EPPK1: variants seen among roughly 807,000 people sequenced by gnomAD.
EPPK1 encodes the protein epiplakin 1.
For missense variants in EPPK1, 3,823 were observed against 3,673.3 expected, an observed-to-expected ratio of 1.04 and a Z score of -1.05; for synonymous variants, 1,862 against 1,721.2, an observed-to-expected ratio of 1.08 and a Z score of -2.03.
chr8:143,867,238 G>A lies in EPPK1; in HGVS notation c.6016C>T (p.Leu2006=). The A allele has an allele frequency of 6.2e-7, 1 of 1,612,714 alleles. No homozygotes were observed. Among genetic ancestry groups the A allele is most frequent in the Non-Finnish European group, 8.5e-7 (1 of 1,179,796 alleles). ...QLIEKAEALR[L]LEVQVATGGV... ...CCCGTGGCCACCTGCACCTCCAGCAGCCTCAGTGCCTCCGCCTTCTCGATG... is the reference window on the plus strand; with the variant it reads ...CCCGTGGCCACCTGCACCTCCAGCAACCTCAGTGCCTCCGCCTTCTCGATG... The change falls in exon 2 of 2, where the codon CTG becomes TTG. Residue 2006 remains leucine (L), a synonymous_variant. Coordinates refer to ENST00000615648, the MANE Select transcript of EPPK1 (RefSeq NM_031308.4).
At chr8:143,873,388 C>G in intron 1 of EPPK1, 90 bp from the exon 2 acceptor site, 1 of 946,388 alleles carries the variant, frequency 1.1e-6, no homozygotes, top group Non-Finnish European at 1.5e-6. Context: ...CCATGCTGTC[C>G]CGGGCTGGGC....
chr8:143,874,756 C>G (rs966758131), intron 1 of EPPK1, among the ~76,000 whole-genome samples: 16 of 152,168 alleles, frequency 1.1e-4, no homozygotes, highest in Non-Finnish European at 2.2e-4. Flanking sequence ...CCCAGTCCCT[C>G]TCTTGATTCT....
Position 143,866,682 on chromosome 8 carries a change from A to G in EPPK1, c.6572T>C (p.Ile2191Thr). Residue 2191 changes from isoleucine (I) to threonine (T), a missense_variant, in exon 2 of 2, where the codon ATA (isoleucine) becomes ACA (threonine). Transcript: ENST00000615648. ...GTCCTGGAGCATTTCCTCCGTGATT[A>G]TGGCTGAGCTGAGGAGTTCAGAAGC... ...ITASELLSSA[I>T]ITEEMLQDLE... is the part of the protein sequence containing the mutation. 20 of 1,613,200 alleles carry G rather than the reference A, an allele frequency of 1.2e-5. No homozygotes were observed. The highest frequency in any genetic ancestry group is 1.7e-5 in the Non-Finnish European group (20 of 1,179,858).
In EPPK1 at chr8:143,872,542, T is replaced by C. The variant is rs781823786; in HGVS notation, c.712A>G (p.Met238Val). ...TCAGCTGCACTCACCGCCCCGCCCA[T>C]GGAGCGGAAGGTGATCTTGAGGGGC... ...LLPLKITFRS[M>V]GGAVSAAELL... is the part of the protein sequence containing the mutation. The change falls in exon 2 of 2, where the codon ATG (methionine) becomes GTG (valine). Residue 238 changes from methionine to valine, a missense_variant. By Grantham distance (21) the Met-to-Val change is conservative. Transcript: ENST00000615648. The C allele has an allele frequency of 2.8e-4, 447 of 1,604,578 alleles. 6 individuals are homozygous for C. In the East Asian group the frequency reaches 9.8e-3, roughly 35 times the overall value.
rs1818919306 is a variant in EPPK1, at chr8:143,857,718, T to C, written c.*269A>G. The C allele has an allele frequency of 4.9e-6, 2 of 405,480 alleles. No homozygotes were observed. 25.1% of individuals were successfully genotyped at this position (405,480 alleles called of 1,614,324 possible). On this transcript the variant is annotated 3_prime_UTR_variant, in exon 2 of 2. Transcript: ENST00000615648. ...AGTGAATCCAAAACAGACAGAAAAATGTTCTGAAAACGAAAAAGGAGAGAA... is the reference window on the plus strand; with the variant it reads ...AGTGAATCCAAAACAGACAGAAAAACGTTCTGAAAACGAAAAAGGAGAGAA...
In EPPK1 at chr8:143,866,986, G is replaced by A. The variant is rs782111553; in HGVS notation, c.6268C>T (p.Arg2090Trp). The A allele has an allele frequency of 1.3e-5, 21 of 1,612,576 alleles. No individual in the cohort carries two copies. The highest frequency in any genetic ancestry group is 4.4e-5 in the South Asian group (4 of 91,072). The stretch of plus-strand genomic sequence containing the variant: ...TCGTCATCGATGTGCTCGGAGTCCC[G>A]TGCAGCCTTGTTCACTGGGAACAGC... ...WLLFPVNKAARDSEHIDDETR... is the reference protein window; with the variant it reads ...WLLFPVNKAAWDSEHIDDETR... Residue 2090 changes from arginine (R) to tryptophan (W), a missense_variant, in exon 2 of 2, where the codon CGG becomes TGG. Physicochemically the swap from Arg to Trp is moderately radical, Grantham distance 101. Coordinates refer to ENST00000615648, the MANE Select transcript of EPPK1 (RefSeq NM_031308.4).
chr8:143,868,084 C>T lies in EPPK1; in HGVS notation c.5170G>A (p.Asp1724Asn), dbSNP rs377176052. ...TTGGGGTCGAAGAAGCCCTTGGTGTCGTCGCTGGGGTCCGCCAGGATGCGG... is the reference window on the plus strand; with the variant it reads ...TTGGGGTCGAAGAAGCCCTTGGTGTTGTCGCTGGGGTCCGCCAGGATGCGG... The part of the protein sequence containing the change: ...MNRILADPSD[D>N]TKGFFDPNTH... Residue 1724 changes from aspartate to asparagine, a missense_variant, in exon 2 of 2, where the codon GAC (aspartate) becomes AAC (asparagine). Asp to Asn is a conservative substitution (Grantham distance 23). Transcript: ENST00000615648. 7.1e-5 allele frequency: 114 copies of T among 1,613,462 alleles called. No individual in the cohort carries two copies. Among genetic ancestry groups the T allele is most frequent in the Middle Eastern group, 1.6e-4 (1 of 6,062 alleles).
chr8:143,867,230 C>T lies in EPPK1; in HGVS notation c.6024G>A (p.Glu2008=), dbSNP rs1400052503. ...IEKAEALRLL[E]VQVATGGVID... ...TGACACCCCCCGTGGCCACCTGCAC[C>T]TCCAGCAGCCTCAGTGCCTCCGCCT... Residue 2008 remains glutamate (E), a synonymous_variant, in exon 2 of 2, where the codon GAG becomes GAA. Coordinates refer to ENST00000615648, the MANE Select transcript of EPPK1 (RefSeq NM_031308.4). The T allele has an allele frequency of 4.3e-6, 7 of 1,612,634 alleles. No homozygotes were observed. Among genetic ancestry groups the T allele is most frequent in the Non-Finnish European group, 5.9e-6 (7 of 1,179,824 alleles).
chr8:143,867,815 G>A lies in EPPK1; in HGVS notation c.5439C>T (p.Leu1813=), dbSNP rs782563487. The A allele has an allele frequency of 2.1e-5, 34 of 1,613,460 alleles. 1 individual carries two copies. The East Asian group carries it at 2.7e-4, about 13-fold the overall frequency. Residue 1813 remains leucine (L), a synonymous_variant, in exon 2 of 2, where the codon CTC becomes CTT. Coordinates refer to ENST00000615648, the MANE Select transcript of EPPK1 (RefSeq NM_031308.4). ...PYFTEDRKRE[L]IQEYGAQSGG... is the part of the protein sequence containing the mutation. Reference sequence around the variant, plus strand: ...CACTCTGGGCTCCATACTCCTGGATGAGCTCCCGCTTCCTGTCCTCTGTGA... The same window carrying A: ...CACTCTGGGCTCCATACTCCTGGATAAGCTCCCGCTTCCTGTCCTCTGTGA...
Position 143,868,474 on chromosome 8 carries a change from G to A in EPPK1, c.4780C>T (p.His1594Tyr). ...AGGGCTGTGCCAGGCCGCAGGATGT[G>A]CCTCCTCAGGGCCTCTGGGATGCTC... Reference protein sequence around the residue: ...RMSIPEALRRHILRPGTALVL... With the variant: ...RMSIPEALRRYILRPGTALVL... The change falls in exon 2 of 2, where the codon CAC becomes TAC. Residue 1594 changes from histidine (H) to tyrosine (Y), a missense_variant. Physicochemically the swap from His to Tyr is moderately conservative, Grantham distance 83. Transcript: ENST00000615648. The A allele has an allele frequency of 6.2e-7, 1 of 1,612,170 alleles. No homozygotes were observed. The highest frequency in any genetic ancestry group is 8.5e-7 in the Non-Finnish European group (1 of 1,179,678).
chr8:143,872,767 G>C lies in EPPK1; in HGVS notation c.487C>G (p.Pro163Ala). 6.3e-7 allele frequency: 1 copy of C among 1,583,876 alleles called. No homozygotes were observed. ...GGGGCCACGAGCACTCCCTGGGCGGGGTCCACCAGGCCCCCAGTGGCCAGT... is the reference window on the plus strand; with the variant it reads ...GGGGCCACGAGCACTCCCTGGGCGGCGTCCACCAGGCCCCCAGTGGCCAGT... Reference protein sequence around the residue: ...VQLATGGLVDPAQGVLVAPEP... With the variant: ...VQLATGGLVDAAQGVLVAPEP... The change falls in exon 2 of 2, where the codon CCC becomes GCC. Residue 163 changes from proline to alanine, a missense_variant. Transcript: ENST00000615648.
Position 143,872,082 on chromosome 8 carries a change from G to A in EPPK1, c.1172C>T (p.Ala391Val). Residue 391 changes from alanine (A) to valine (V), a missense_variant, in exon 2 of 2, where the codon GCA (alanine) becomes GTA (valine). Transcript: ENST00000615648. ...MKKGLVDRPLALRLLDAQLAT... is the reference protein window; with the variant it reads ...MKKGLVDRPLVLRLLDAQLAT... ...CAGCTGGGCATCCAAGAGCCGCAGTGCCAGTGGCCTGTCCACTAGCCCCTT... is the reference window on the plus strand; with the variant it reads ...CAGCTGGGCATCCAAGAGCCGCAGTACCAGTGGCCTGTCCACTAGCCCCTT... The A allele has an allele frequency of 6.4e-7, 1 of 1,562,772 alleles. No individual in the cohort carries two copies. The highest frequency in any genetic ancestry group is 8.7e-7 in the Non-Finnish European group (1 of 1,153,842).
At chr8:143,873,724 C>T (rs1014095137) in intron 1 of EPPK1, among the ~76,000 whole-genome samples, 2 of 152,204 alleles carry the variant, frequency 1.3e-5, no homozygotes, top group Non-Finnish European at 2.9e-5. Context: ...AGGGCCCGCC[C>T]CTCAGCCTGG....
chr8:143,871,256 CT>C lies in EPPK1; in HGVS notation c.1997del (p.Glu666GlyfsTer3). 6.2e-7 allele frequency: 1 copy of C among 1,613,034 alleles called. No homozygotes were observed. Among genetic ancestry groups the C allele is most frequent in the Non-Finnish European group, 8.5e-7 (1 of 1,179,910 alleles). ...GCCCAATGACAGCAGCCCTCAGTGC[CT>C]CCTCAACGGAGTGCCCCTTGTTTGC... is the stretch of plus-strand genomic sequence containing the variant. The part of the protein sequence containing the change: ...PKANKGHSVE[E>X]ALRAAVIGPD... On this transcript the variant is annotated frameshift_variant, in exon 2 of 2. Coordinates refer to ENST00000615648, the MANE Select transcript of EPPK1 (RefSeq NM_031308.4). LOFTEE classifies it low-confidence loss of function (END_TRUNC).
chr8:143,869,993 C>T lies in EPPK1; in HGVS notation c.3261G>A (p.Pro1087=), dbSNP rs35221054. ...CATAGCTCGTGCGCCCCTGGCCGTC[C>T]GGTGTGGGGAAGGTTTCGGAGGAGC... ...LSSSSETFPT[P]DGQGRTSYAQ... is the part of the protein sequence containing the mutation. Residue 1087 remains proline, a synonymous_variant, in exon 2 of 2, where the codon CCG becomes CCA. Transcript: ENST00000615648. 724,072 of 1,605,686 alleles carry T rather than the reference C, an allele frequency of 0.45. 170,997 individuals carry two copies. The highest frequency in any genetic ancestry group is 0.57 in the Middle Eastern group (3,446 of 6,026).
At position 143,867,372 on chromosome 8, in the gene EPPK1, T is replaced by C. The variant is rs782195591; in HGVS notation, c.5882A>G (p.Asn1961Ser). ...VDEAVDVGLVNEELRERLLKA... is the reference protein window; with the variant it reads ...VDEAVDVGLVSEELRERLLKA... Reference sequence around the variant, plus strand: ...CAGGAGCCTCTCCCGCAGCTCCTCGTTCACCAGGCCCACATCCACAGCCTC... The same window carrying C: ...CAGGAGCCTCTCCCGCAGCTCCTCGCTCACCAGGCCCACATCCACAGCCTC... Residue 1961 changes from asparagine (N) to serine (S), a missense_variant, in exon 2 of 2, where the codon AAC becomes AGC. Coordinates refer to ENST00000615648, the MANE Select transcript of EPPK1 (RefSeq NM_031308.4). 3.7e-6 allele frequency: 6 copies of C among 1,612,900 alleles called. No individual in the cohort carries two copies. Among genetic ancestry groups the C allele is most frequent in the Non-Finnish European group, 4.2e-6 (5 of 1,179,862 alleles).
At position 143,870,158 on chromosome 8, in the gene EPPK1, A is replaced by G. The variant is rs782575163; in HGVS notation, c.3096T>C (p.Pro1032=). 1 of 1,611,706 alleles carries G rather than the reference A, an allele frequency of 6.2e-7. No individual in the cohort carries two copies. Among genetic ancestry groups the G allele is most frequent in the Non-Finnish European group, 8.5e-7 (1 of 1,179,394 alleles). The change falls in exon 2 of 2, where the codon CCT becomes CCC. Residue 1032 remains proline (P), a synonymous_variant. Coordinates refer to ENST00000615648, the MANE Select transcript of EPPK1 (RefSeq NM_031308.4). The surrounding 1 kb of genome is among the most constrained non-coding windows in gnomAD (Gnocchi z 5.2). ...CCAGGAGGCGGGCAGCTTGCTCCCA[A>G]GGGATGAGACCTTTCTTCATGGCCT... The part of the protein sequence containing the change: ...VFQAMKKGLI[P]WEQAARLLEA...
Position 143,868,866 on chromosome 8 carries a change from T to A in EPPK1, c.4388A>T (p.Lys1463Met), listed in dbSNP as rs376296129. 5.6e-6 allele frequency: 9 copies of A among 1,609,932 alleles called. No homozygotes were observed. The African/African-American group carries it at 9.3e-5, about 17-fold the overall frequency. Reference protein sequence around the residue: ...MKVPVSTGRFKGCSVSLWDLL... With the variant: ...MKVPVSTGRFMGCSVSLWDLL... ...GTCCCAGAGTGACACGCTACACCCC[T>A]TAAACCTCCCTGTGCTGACGGGCAC... Residue 1463 changes from lysine (K) to methionine (M), a missense_variant, in exon 2 of 2, where the codon AAG becomes ATG. Physicochemically the swap from Lys to Met is moderately conservative, Grantham distance 95. Coordinates refer to ENST00000615648, the MANE Select transcript of EPPK1 (RefSeq NM_031308.4).
In EPPK1 at chr8:143,870,206, A is replaced by G; in HGVS notation, c.3048T>C (p.Ser1016=). ...GAIAGFRDPF[S]GKQVSVFQAM... ...CCTGGAACACAGACACCTGCTTCCC[A>G]GAGAAGGGGTCTCTGAAGCCAGCAA... Residue 1016 remains serine (S), a synonymous_variant, in exon 2 of 2, where the codon TCT becomes TCC. Transcript: ENST00000615648. This position sits in a 1 kb window ranked among gnomAD's most constrained non-coding sequence, Gnocchi z 5.2. 6.2e-7 allele frequency: 1 copy of G among 1,610,152 alleles called. No individual in the cohort carries two copies. The highest frequency in any genetic ancestry group is 1.1e-5 in the South Asian group (1 of 90,606).
Sources: allele counts gnomAD v4.1 joint callset (sites outside exome capture counted in the v4.1 genomes callset), GRCh38; gene constraint gnomAD v4.1.1; non-coding constraint Gnocchi (gnomAD v3.1); transcripts MANE v1.5; gene names NCBI Gene and HGNC (gene_info 2026-07-23, HGNC 2026-07-21).